EPG5: variants seen among roughly 807,000 people sequenced by gnomAD.
EPG5 encodes the protein ectopic P granules protein 5 homolog.
In EPG5, 159 loss-of-function variants were observed where a neutral mutation model predicts 302.7. The observed-to-expected ratio is 0.53, with a 90% CI of 0.46 to 0.60. The LOEUF (loss-of-function observed/expected upper bound fraction) is 0.60, where lower values mean the gene tolerates loss of function less well. Ranked by LOEUF, EPG5 falls within the 20% of genes least tolerant of loss-of-function variation. The pLI is 0.00. For synonymous variants in EPG5, 1,158 were observed against 1,136.8 expected, an observed-to-expected ratio of 1.02 and a Z score of -0.37; for missense variants, 2,896 against 3,092.4, an observed-to-expected ratio of 0.94 and a Z score of 1.51.
At chr18:45,909,688 A>C (rs950989294) in intron 23 of EPG5, among the ~76,000 whole-genome samples, 1 of 152,222 alleles carries the variant, frequency 6.6e-6, no homozygotes, top group African/African-American at 2.4e-5. Flanking sequence ...TTTATAGGGC[A>C]CATATTTTTG....
the EPG5 span, chr18:45,825,643 T>C: frequency 3.4e-6 from 5 of 1,460,654 alleles, no homozygotes; most frequent in South Asian, 5.8e-5. Context: ...CCCGCCCGCC[T>C]TCCTTCCCCC....
At chr18:45,946,906 CA>C (rs2050795117) in intron 6 of EPG5, 138 bp from the exon 7 acceptor site, 2 of 670,626 alleles carry the variant, frequency 3.0e-6, no homozygotes, top group Admixed American at 2.8e-5. Context: ...AAGAACTGGC[CA>C]AAAACCAAGG....
chr18:45,890,078 G>A (rs1038441136), intron 27 of EPG5, 138 bp from the exon 28 acceptor site: 7 of 579,378 alleles, frequency 1.2e-5, no homozygotes, highest in Non-Finnish European at 1.7e-5. Context: ...TTATAAACTG[G>A]TAAGATCTTG....
chr18:45,913,340 G>A (rs1290444792), intron 21 of EPG5, among the ~76,000 whole-genome samples: 1 of 152,058 alleles, frequency 6.6e-6, no homozygotes, highest in African/African-American at 2.4e-5. Context: ...AATCAGCTAG[G>A]AGTTTCAAAA....
At chr18:45,832,194 C>T in the EPG5 span, among the ~76,000 whole-genome samples, 3 of 152,240 alleles carry the variant, frequency 2.0e-5, no homozygotes, top group South Asian at 6.2e-4. Context: ...TTCATTCAAT[C>T]CTCAATCCTA....
chr18:45,888,006 A>G lies in EPG5; in HGVS notation c.4953-99T>C. The G allele has an allele frequency of 3.3e-6, 3 of 898,432 alleles. No individual in the cohort carries two copies. In the South Asian group the frequency reaches 9.4e-5, roughly 28 times the overall value. 55.7% of individuals were successfully genotyped at this position (898,432 alleles called of 1,614,324 possible). On this transcript the variant is annotated intron_variant, in intron 28 of 43. Coordinates refer to ENST00000282041, the MANE Select transcript of EPG5 (RefSeq NM_020964.3). ...TACAATTTCTCAGGCAATATTCTTA[A>G]GAATCCTCAGAGCACCCATGAAAAT...
intron 20 of EPG5, 136 bp downstream of exon 20, chr18:45,915,375 A>G: frequency 3.1e-6 from 2 of 655,578 alleles, no homozygotes; most frequent in South Asian, 4.0e-5. Flanking sequence ...TGTAAAGATT[A>G]AATGAAAAAG....
rs370806140 is a variant in EPG5, at chr18:45,885,709, A to C, written c.5110-898T>G. The stretch of plus-strand genomic sequence containing the variant: ...TAAAAGAACAAGACTGATAGGCTTG[A>C]ATATATTAAAATTTTAACTTCTATA... On this transcript the variant is annotated intron_variant, in intron 29 of 43. Transcript: ENST00000282041. Among the ~76,000 whole-genome samples, 9 of 152,342 alleles carry C rather than the reference A, an allele frequency of 5.9e-5. No homozygotes were observed. The South Asian group carries it at 1.9e-3, about 32-fold the overall frequency.
At chr18:45,932,362 C>G (rs1568166476) in intron 11 of EPG5, among the ~76,000 whole-genome samples, 1 of 152,054 alleles carries the variant, frequency 6.6e-6, no homozygotes, top group Non-Finnish European at 1.5e-5. Flanking sequence ...GTTGATTAGA[C>G]TAGAAATAAA....
intron 27 of EPG5, among the ~76,000 whole-genome samples, chr18:45,896,719 A>G (rs1324739572): frequency 6.6e-6 from 1 of 151,952 alleles, no homozygotes; most frequent in Non-Finnish European, 1.5e-5. Flanking sequence ...TTATTTTTGT[A>G]TAATATTTTT....
intron 34 of EPG5, among the ~76,000 whole-genome samples, 153 bp from the exon 35 acceptor site, chr18:45,876,495 G>A (rs1298531665): frequency 6.6e-6 from 1 of 152,156 alleles, no homozygotes; most frequent in African/African-American, 2.4e-5. Context: ...AATAACTGCA[G>A]GCGAATTGTA....
chr18:45,967,156 G>A (rs760719201), intron 1 of EPG5, 21 bp downstream of exon 1: 9 of 1,433,888 alleles, frequency 6.3e-6, no homozygotes, highest in South Asian at 6.1e-5. Flanking sequence ...AGAGCCTCGG[G>A]AGGGTGGGGG....
chr18:45,826,979 A>G, the EPG5 span, among the ~76,000 whole-genome samples: 1 of 152,138 alleles, frequency 6.6e-6, no homozygotes, highest in Admixed American at 6.5e-5. Context: ...CAGTGGCGCA[A>G]TCTCAGCTCA....
intron 38 of EPG5, among the ~76,000 whole-genome samples, chr18:45,866,412 C>T (rs1285328349): frequency 6.6e-6 from 1 of 152,136 alleles, no homozygotes; most frequent in Non-Finnish European, 1.5e-5. Context: ...TGAGCCACCG[C>T]ACCCAGCCTT....
Position 45,943,225 on chromosome 18 carries a change from C to T in EPG5, c.1879G>A (p.Gly627Arg). The T allele has an allele frequency of 7.4e-6, 12 of 1,614,112 alleles. No individual in the cohort carries two copies. Among genetic ancestry groups the T allele is most frequent in the Non-Finnish European group, 1.0e-5 (12 of 1,180,020 alleles). The change falls in exon 9 of 44, where the codon GGG becomes AGG. Residue 627 changes from glycine (G) to arginine (R), a missense_variant. Gly to Arg is a moderately radical substitution (Grantham distance 125). Coordinates refer to ENST00000282041, the MANE Select transcript of EPG5 (RefSeq NM_020964.3). ...CGTGCTCTATTAAAGGTTTCTAACC[C>T]CACAGCCAGAAGTTCCACTAGTGAG... is the stretch of plus-strand genomic sequence containing the variant. The part of the protein sequence containing the change: ...ANSLVELLAV[G>R]LETFNRARYR...
chr18:45,931,894 G>T (rs1183810083), intron 11 of EPG5, among the ~76,000 whole-genome samples: 3 of 151,052 alleles, frequency 2.0e-5, no homozygotes, highest in African/African-American at 4.8e-5. Flanking sequence ...TATCCTTGAT[G>T]GAACTTTTCA....
intron 16 of EPG5, among the ~76,000 whole-genome samples, chr18:45,920,319 T>C (rs958415076): frequency 1.3e-5 from 2 of 152,198 alleles, no homozygotes; most frequent in African/African-American, 2.4e-5. Flanking sequence ...GTTCAGAATG[T>C]ACAGGGGCTG....
chr18:45,930,573 CTAAA>C, intron 12 of EPG5, 99 bp downstream of exon 12: 1 of 901,488 alleles, frequency 1.1e-6, no homozygotes, highest in Non-Finnish European at 1.6e-6. Flanking sequence ...TAGACAGTAG[CTAAA>C]TAAGTCACAA....
At chr18:45,947,775 CTTTT>C (rs528778673) in intron 6 of EPG5, among the ~76,000 whole-genome samples, 2 of 148,224 alleles carry the variant, frequency 1.3e-5, no homozygotes, top group East Asian at 3.9e-4. Flanking sequence ...CTAATCCATT[CTTTT>C]TTTTTTTCTT....
Sources: allele counts gnomAD v4.1 joint callset (sites outside exome capture counted in the v4.1 genomes callset), GRCh38; gene constraint gnomAD v4.1.1; transcripts MANE v1.5; gene names NCBI Gene and HGNC (gene_info 2026-07-23, HGNC 2026-07-21).